Variants in MAGI2 observed in about 807,000 individuals in gnomAD.
MAGI2 encodes membrane associated guanylate kinase, WW and PDZ domain containing 2, also known as membrane-associated guanylate kinase, WW and PDZ domain-containing protein 2.
A neutral mutation model predicts 133.3 loss-of-function variants in MAGI2; 35 were observed. The ratio of observed to expected loss-of-function variants is 0.26; its 90% CI spans 0.20 to 0.35. The LOEUF (loss-of-function observed/expected upper bound fraction) is 0.35, where lower values mean the gene tolerates loss of function less well. MAGI2 is among the 10% of genes least tolerant of loss of function. The pLI is 1.00. For synonymous variants in MAGI2, 729 were observed against 710.6 expected (o/e 1.03, Z -0.41); for missense variants, 1,636 against 1,863.4 (o/e 0.88, Z 2.25).
intron 1 of MAGI2, among the ~76,000 whole-genome samples, chr7:79,279,131 C>T (rs888692752): frequency 6.6e-6 from 1 of 152,082 alleles, no homozygotes; most frequent in Non-Finnish European, 1.5e-5. Context: ...CTACTACTAT[C>T]CCTGCTCTTT....
intron 2 of MAGI2, among the ~76,000 whole-genome samples, chr7:78,984,194 C>T (rs12534480): frequency 0.69 from 105,097 of 151,730 alleles, 36,605 homozygotes; most frequent in East Asian, 0.82. Context: ...TCCACTGTTG[C>T]CCCTTGGTGT....
chr7:78,596,213 AAGGG>A (rs1266470661), intron 3 of MAGI2, among the ~76,000 whole-genome samples: 2 of 61,444 alleles, frequency 3.3e-5, no homozygotes, highest in East Asian at 4.4e-4. Flanking sequence ...GGAATGAAGG[AAGGG>A]AGGGAGGGAG....
chr7:78,742,302 G>C (rs540410008), intron 2 of MAGI2, among the ~76,000 whole-genome samples: 1 of 152,182 alleles, frequency 6.6e-6, no homozygotes, highest in East Asian at 1.9e-4. Context: ...CTGACAACAA[G>C]TGAGATTCAC....
intron 6 of MAGI2, among the ~76,000 whole-genome samples, chr7:78,488,305 T>C (rs17147836): frequency 0.13 from 19,253 of 152,084 alleles, 1,451 homozygotes; most frequent in South Asian, 0.32. Flanking sequence ...ATTATAATTA[T>C]GCAATATGTT....
intron 1 of MAGI2, among the ~76,000 whole-genome samples, chr7:79,191,504 A>G (rs1827670838): frequency 7.3e-6 from 1 of 137,312 alleles, no homozygotes; most frequent in Non-Finnish European, 1.5e-5. Flanking sequence ...TGAAGCCTGT[A>G]ACTCTTGGGC....
intron 1 of MAGI2, among the ~76,000 whole-genome samples, chr7:79,073,577 G>T (rs1036088954): frequency 2.6e-5 from 4 of 151,916 alleles, no homozygotes; most frequent in African/African-American, 9.7e-5. Context: ...CTTTTACAAG[G>T]ACTACTGCAG....
Position 78,127,339 on chromosome 7 carries a change from G to A in MAGI2, c.3281C>T (p.Pro1094Leu), listed in dbSNP as rs368491439. ...RQPPFTDYRQ[P>L]PLDYRQPPGG... ...TGGGGGTTGCCTGTAATCCAGCGGG[G>A]GCTGCCTGTAGTCTGTGAATGGAGG... is the stretch of plus-strand genomic sequence containing the variant. The change falls in exon 19 of 22, where the codon CCC becomes CTC. Residue 1094 changes from proline (P) to leucine (L), a missense_variant. Physicochemically the swap from Pro to Leu is moderately conservative, Grantham distance 98. This residue lies in a region of MAGI2 where 920 missense variants were observed against 1,093.5 expected (regional missense o/e 0.84). Transcript: ENST00000354212. 40 of 1,610,820 alleles carry A rather than the reference G, an allele frequency of 2.5e-5. No individual in the cohort carries two copies. The highest frequency in any genetic ancestry group is 3.3e-5 in the Non-Finnish European group (39 of 1,179,890).
rs775248420 is a variant in MAGI2 at position 79,453,135 on chromosome 7, C to A, written c.186G>T (p.Ser62=). The A allele has an allele frequency of 1.2e-6, 2 of 1,614,032 alleles. No homozygotes were observed. Among genetic ancestry groups the A allele is most frequent in the Non-Finnish European group, 8.5e-7 (1 of 1,180,036 alleles). Residue 62 remains serine, a synonymous_variant, in exon 1 of 22, where the codon TCG becomes TCT. Transcript: ENST00000354212. ...VAYESGSKLV[S]EELLLEVNET... ...CGTTCACCTCCAGCAGCAGCTCCTC[C>A]GACACCAATTTGCTGCCGCTCTCAT... is the stretch of plus-strand genomic sequence containing the variant.
intron 1 of MAGI2, among the ~76,000 whole-genome samples, chr7:79,331,227 A>G (rs1012150011): frequency 1.3e-5 from 2 of 152,198 alleles, no homozygotes; most frequent in African/African-American, 4.8e-5. Context: ...TGGTCCAGCT[A>G]AAGTTATTTA....
chr7:78,969,093 G>A (rs555192582), intron 2 of MAGI2, among the ~76,000 whole-genome samples: 1 of 152,160 alleles, frequency 6.6e-6, no homozygotes, highest in East Asian at 1.9e-4. Context: ...GGCGATTCCT[G>A]CTCCCTTTTC....
intron 2 of MAGI2, among the ~76,000 whole-genome samples, chr7:78,916,595 C>A (rs1798813944): frequency 6.6e-6 from 1 of 152,160 alleles, no homozygotes; most frequent in South Asian, 2.1e-4. Flanking sequence ...CAAAATTAAA[C>A]CTTTCAGGAT....
intron 9 of MAGI2, among the ~76,000 whole-genome samples, chr7:78,297,527 C>A (rs1405510731): frequency 6.7e-6 from 1 of 149,742 alleles, no homozygotes; most frequent in Non-Finnish European, 1.5e-5. Flanking sequence ...GACACATGCA[C>A]ACGTATGTTT....
At chr7:79,445,811 A>G (rs1372007153) in intron 1 of MAGI2, among the ~76,000 whole-genome samples, 2 of 152,246 alleles carry the variant, frequency 1.3e-5, no homozygotes, top group African/African-American at 4.8e-5. Context: ...CCATCCAATT[A>G]CTGGGTATAT....
chr7:78,017,100 C>T lies in MAGI2; in HGVS notation c.*2215G>A, dbSNP rs1398181835. 1 of 152,598 alleles carries T rather than the reference C, an allele frequency of 6.6e-6. No individual in the cohort carries two copies. Among genetic ancestry groups the T allele is most frequent in the South Asian group, 2.1e-4 (1 of 4,830 alleles). 9.5% of individuals were successfully genotyped at this position (152,598 alleles called of 1,614,324 possible). Reference sequence around the variant, plus strand: ...ATTTTTGGATATATATTTTATTTGACAGTGTTTTAGAATATCATACAGTAA... The same window carrying T: ...ATTTTTGGATATATATTTTATTTGATAGTGTTTTAGAATATCATACAGTAA... On this transcript the variant is annotated 3_prime_UTR_variant, in exon 22 of 22. Transcript: ENST00000354212.
chr7:78,111,576 C>T (rs1819366209), intron 20 of MAGI2, among the ~76,000 whole-genome samples: 1 of 152,214 alleles, frequency 6.6e-6, no homozygotes, highest in Non-Finnish European at 1.5e-5. Context: ...TGGCTCTCTT[C>T]TCTAATCAAC....
chr7:79,244,248 A>C (rs1449327964), intron 1 of MAGI2, among the ~76,000 whole-genome samples: 1 of 152,190 alleles, frequency 6.6e-6, no homozygotes. Flanking sequence ...AGGAACACCA[A>C]ATTGAACAAC....
chr7:79,071,161 C>G (rs189457310), intron 1 of MAGI2, among the ~76,000 whole-genome samples: 246 of 152,288 alleles, frequency 1.6e-3, no homozygotes, highest in African/African-American at 5.6e-3. Flanking sequence ...GATGTTGCTA[C>G]TATTCCTTTC....
chr7:79,029,554 G>A (rs929298581), intron 1 of MAGI2, among the ~76,000 whole-genome samples: 3 of 152,102 alleles, frequency 2.0e-5, no homozygotes, highest in African/African-American at 7.2e-5. Context: ...GCAAGTGAGA[G>A]AGGATATCAT....
chr7:78,157,153 G>A (rs888448677), intron 16 of MAGI2, among the ~76,000 whole-genome samples: 4 of 152,200 alleles, frequency 2.6e-5, no homozygotes, highest in Admixed American at 1.3e-4. Context: ...GGTGCATGTT[G>A]CAAATTACAT....
Sources: gnomAD v4.1 joint callset for allele counts (sites outside exome capture counted in the v4.1 genomes callset) on GRCh38, gnomAD v4.1.1 for gene constraint, gnomAD v4.1.1 regional missense constraint, MANE v1.5 for transcripts, NCBI Gene and HGNC (gene_info 2026-07-23, HGNC 2026-07-21) for gene names.